Variants in AOPEP observed in about 807,000 individuals in gnomAD.
AOPEP encodes aminopeptidase O.
A neutral mutation model predicts 98.1 loss-of-function variants in AOPEP; 77 were observed. That is an observed-to-expected ratio of 0.78 (90% CI 0.65 to 0.95). AOPEP has a LOEUF of 0.95. Among genes scored for constraint, AOPEP ranks in the 40% least tolerant of loss-of-function variants. AOPEP has a pLI of 0.00. For missense variants in AOPEP, 1,024 were observed against 1,024.7 expected, an observed-to-expected ratio of 1.00 and a Z score of 0.01; for synonymous variants, 346 against 365.3, an observed-to-expected ratio of 0.95 and a Z score of 0.60.
At chr9:95,022,838 G>T (rs2063564018) in intron 13 of AOPEP, among the ~76,000 whole-genome samples, 1 of 152,136 alleles carries the variant, frequency 6.6e-6, no homozygotes, top group Non-Finnish European at 1.5e-5. Context: ...TTCCCCCCTT[G>T]CCCAGAACAT....
At chr9:94,926,168 C>T (rs1243239089) in intron 6 of AOPEP, among the ~76,000 whole-genome samples, 1 of 152,208 alleles carries the variant, frequency 6.6e-6, no homozygotes, top group African/African-American at 2.4e-5. Flanking sequence ...GAGTGCTCCT[C>T]CTTACCCTTC....
chr9:94,866,741 T>G (rs1386505972), intron 5 of AOPEP, among the ~76,000 whole-genome samples: 1 of 152,172 alleles, frequency 6.6e-6, no homozygotes, highest in Non-Finnish European at 1.5e-5. Flanking sequence ...TCAAACCAAA[T>G]CTTTGGTTTT....
chr9:94,806,807 G>C (rs1203078933), intron 5 of AOPEP, among the ~76,000 whole-genome samples: 1 of 152,150 alleles, frequency 6.6e-6, no homozygotes, highest in Non-Finnish European at 1.5e-5. Flanking sequence ...ATACCACTTT[G>C]TACTAAGCAA....
At chr9:94,729,576 TAA>T (rs57495134) in intron 1 of AOPEP, among the ~76,000 whole-genome samples, 12,871 of 140,642 alleles carry the variant, frequency 0.092, 671 homozygotes, top group African/African-American at 0.13. Context: ...ACACTGTCTT[TAA>T]AAAAAAAAAA....
At chr9:95,111,462 C>A in the AOPEP span, 3 of 1,612,188 alleles carry the variant, frequency 1.9e-6, no homozygotes, top group African/African-American at 4.0e-5. Context: ...CTGCTACCCA[C>A]CATAGTCTGT....
chr9:94,776,862 GTATT>G (rs1453466649), intron 3 of AOPEP, among the ~76,000 whole-genome samples: 4 of 149,716 alleles, frequency 2.7e-5, no homozygotes, highest in African/African-American at 7.3e-5. Context: ...TTCATAATAA[GTATT>G]TAGACTTTCT....
intron 13 of AOPEP, among the ~76,000 whole-genome samples, chr9:95,043,124 A>G (rs2065484017): frequency 1.3e-5 from 2 of 152,074 alleles, no homozygotes; most frequent in South Asian, 4.1e-4. Flanking sequence ...TCTACACAAA[A>G]ATAAGAAAAG....
Position 94,817,758 on chromosome 9 carries a change from CG to C in AOPEP, c.1364+16758del, listed in dbSNP as rs1852032879. Among the ~76,000 whole-genome samples, 3 of 152,136 alleles carry C rather than the reference CG, an allele frequency of 2.0e-5. 1 individual carries two copies. The South Asian group carries it at 6.2e-4, about 32-fold the overall frequency. ...AACTTTAGGCCTAGATTTGGCATTC[CG>C]GAGGGCAGTATCTAAGATGCCTATC... On this transcript the variant is annotated intron_variant, in intron 5 of 16. Coordinates refer to ENST00000375315, the MANE Select transcript of AOPEP (RefSeq NM_001193329.3).
downstream of AOPEP, chr9:95,087,274 GGAGATC>G (rs1402803935): frequency 3.3e-5 from 5 of 151,886 alleles, no homozygotes; most frequent in African/African-American, 1.2e-4. Flanking sequence ...CACGAGGTCA[GGAGATC>G]GAGACCATCC....
the AOPEP span, among the ~76,000 whole-genome samples, chr9:95,108,234 C>T: frequency 5.9e-5 from 9 of 152,188 alleles, no homozygotes; most frequent in Non-Finnish European, 1.3e-4. Flanking sequence ...GACCACAATA[C>T]AAGACCGTGA....
chr9:94,839,812 A>G (rs753520345), intron 5 of AOPEP, among the ~76,000 whole-genome samples: 1 of 152,032 alleles, frequency 6.6e-6, no homozygotes, highest in African/African-American at 2.4e-5. Flanking sequence ...TCTGTCGCTC[A>G]GGCTGGAGTG....
intron 5 of AOPEP, among the ~76,000 whole-genome samples, chr9:94,863,003 T>C (rs1302894846): frequency 6.6e-6 from 1 of 152,238 alleles, no homozygotes; most frequent in East Asian, 1.9e-4. Flanking sequence ...GGACTTGTTT[T>C]CCAAATTATT....
chr9:94,728,322 A>C (rs1829751866), intron 1 of AOPEP, among the ~76,000 whole-genome samples: 1 of 152,102 alleles, frequency 6.6e-6, no homozygotes, highest in Non-Finnish European at 1.5e-5. Context: ...TTGTGCAGTA[A>C]AACCCTGCTG....
At chr9:94,827,215 C>G (rs1201437739) in intron 5 of AOPEP, among the ~76,000 whole-genome samples, 1 of 152,110 alleles carries the variant, frequency 6.6e-6, no homozygotes, top group Non-Finnish European at 1.5e-5. Flanking sequence ...GTATTTCTAC[C>G]AAAATTGAAG....
intron 11 of AOPEP, among the ~76,000 whole-genome samples, chr9:94,984,926 C>CG (rs1266072103): frequency 6.6e-6 from 1 of 152,220 alleles, no homozygotes; most frequent in African/African-American, 2.4e-5. Flanking sequence ...TCCACAGGTA[C>CG]GGGGCGGGAG....
chr9:95,019,914 T>G (rs2063319642), intron 13 of AOPEP: 1 of 151,942 alleles, frequency 6.6e-6, no homozygotes, highest in African/African-American at 2.4e-5. Context: ...CTACTAGAGG[T>G]CCTCCATAGA....
chr9:94,990,205 A>G (rs1022861416), intron 11 of AOPEP, among the ~76,000 whole-genome samples: 3 of 152,128 alleles, frequency 2.0e-5, no homozygotes, highest in African/African-American at 7.2e-5. Context: ...GCCCCACTCA[A>G]TCACAAGTCA....
At chr9:95,135,184 C>T in the AOPEP span, among the ~76,000 whole-genome samples, 5 of 152,078 alleles carry the variant, frequency 3.3e-5, no homozygotes, top group African/African-American at 1.2e-4. Flanking sequence ...AGAAAAGCCC[C>T]CTATGTTAGT....
rs529190373 is a variant in AOPEP at position 94,898,474 on chromosome 9, C to A, written c.1365-25512C>A. 2.0e-5 allele frequency among the ~76,000 whole-genome samples: 3 copies of A among 151,460 alleles called. No individual in the cohort carries two copies. The East Asian group carries it at 5.9e-4, about 30-fold the overall frequency. On this transcript the variant is annotated intron_variant, in intron 5 of 16. Transcript: ENST00000375315. The stretch of plus-strand genomic sequence containing the variant: ...TCTCTACTAAAAGTACAAAAATTAG[C>A]CAGGTGTGGGGCACTTGTAATTCCA...
Sources: gnomAD v4.1 joint callset for allele counts (sites outside exome capture counted in the v4.1 genomes callset) on GRCh38, gnomAD v4.1.1 for gene constraint, MANE v1.5 for transcripts, NCBI Gene and HGNC (gene_info 2026-07-23, HGNC 2026-07-21) for gene names.